The following KCTD8 variants were observed in gnomAD, a reference collection of about 807,000 sequenced individuals.
The protein encoded by KCTD8 is BTB/POZ domain-containing protein KCTD8.
Under a neutral mutation model 31.5 loss-of-function variants are expected in KCTD8, and 27 were observed. That is an observed-to-expected ratio of 0.86 (90% confidence interval 0.63 to 1.18). The LOEUF (loss-of-function observed/expected upper bound fraction) is 1.18, where lower values mean the gene tolerates loss of function less well. Among genes scored for constraint, KCTD8 ranks in the 50% most tolerant of loss-of-function variants. The probability of loss-of-function intolerance (pLI) is 0.00; values close to 1 mark genes in which losing one functional copy is unlikely to be tolerated. For synonymous variants in KCTD8, 290 were observed against 280.0 expected, an observed-to-expected ratio of 1.04 and a Z score of -0.36; for missense variants, 658 against 647.7, an observed-to-expected ratio of 1.02 and a Z score of -0.17.
At chr4:44,181,362 C>T (rs1041657852) in intron 1 of KCTD8, among the ~76,000 whole-genome samples, 1 of 152,328 alleles carries the variant, frequency 6.6e-6, no homozygotes, top group Admixed American at 6.5e-5. Context: ...TCTCCTGCCT[C>T]AGCCTGCCGA....
chr4:44,315,191 T>TC (rs1162027562), intron 1 of KCTD8, among the ~76,000 whole-genome samples: 1 of 152,046 alleles, frequency 6.6e-6, no homozygotes. Flanking sequence ...AATTGTAATT[T>TC]CTTTTTTTAA....
intron 1 of KCTD8, among the ~76,000 whole-genome samples, chr4:44,192,477 C>CACAT (rs1303420481): frequency 2.2e-4 from 16 of 71,210 alleles, no homozygotes; most frequent in African/African-American, 1.1e-3. Context: ...AGCAAAGATA[C>CACAT]ACACACACAC....
chr4:44,279,881 G>A (rs1716851724), intron 1 of KCTD8, among the ~76,000 whole-genome samples: 1 of 152,030 alleles, frequency 6.6e-6, no homozygotes, highest in African/African-American at 2.4e-5. Flanking sequence ...GATTCACTAA[G>A]ATGAAATGCA....
intron 1 of KCTD8, among the ~76,000 whole-genome samples, chr4:44,241,849 T>G (rs965005786): frequency 6.6e-6 from 1 of 152,196 alleles, no homozygotes; most frequent in Non-Finnish European, 1.5e-5. Context: ...GAAGATTGTT[T>G]CAGAGTTACT....
intron 1 of KCTD8, among the ~76,000 whole-genome samples, chr4:44,327,373 A>G (rs1210803191): frequency 3.3e-5 from 5 of 151,862 alleles, no homozygotes; most frequent in Admixed American, 6.6e-5. Flanking sequence ...CAGTCTTACT[A>G]TCTCTATTTC....
rs542039204 is a variant in KCTD8 at position 44,380,117 on chromosome 4, A to G, written c.961+67446T>C. 4.8e-4 allele frequency among the ~76,000 whole-genome samples: 73 copies of G among 152,112 alleles called. No homozygotes were observed. The Middle Eastern group carries it at 0.01, about 21-fold the overall frequency. ...ACACTTAATTATACAACTTATCTAT[A>G]ATTGTGAGCCTCAAGATTACCCCTA... On this transcript the variant is annotated intron_variant, in intron 1 of 1. Transcript: ENST00000360029.
chr4:44,182,245 AG>A (rs1713444140), intron 1 of KCTD8, among the ~76,000 whole-genome samples: 1 of 149,446 alleles, frequency 6.7e-6, no homozygotes, highest in Non-Finnish European at 1.5e-5. Context: ...CCTTCTGGGA[AG>A]TGAGGAGCCC....
chr4:44,396,423 T>C (rs1720505602), intron 1 of KCTD8, among the ~76,000 whole-genome samples: 2 of 151,936 alleles, frequency 1.3e-5, no homozygotes, highest in African/African-American at 4.8e-5. Flanking sequence ...CACTATAGAG[T>C]GTTTGCTCCA....
intron 1 of KCTD8, among the ~76,000 whole-genome samples, chr4:44,337,679 ATAT>A (rs567514856): frequency 7.1e-6 from 1 of 140,108 alleles, no homozygotes; most frequent in Non-Finnish European, 1.5e-5. Flanking sequence ...ATCTCAAAAA[ATAT>A]ATATATATAT....
chr4:44,216,285 A>G (rs2109345843), intron 1 of KCTD8, among the ~76,000 whole-genome samples: 1 of 152,260 alleles, frequency 6.6e-6, no homozygotes. Flanking sequence ...ACCTTTTACC[A>G]CTTTATACAG....
intron 1 of KCTD8, among the ~76,000 whole-genome samples, chr4:44,249,338 A>C (rs1204879692): frequency 6.6e-6 from 1 of 151,880 alleles, no homozygotes. Flanking sequence ...TCACTCAAAA[A>C]ATCAATTTCC....
chr4:44,434,822 A>T (rs894793725), intron 1 of KCTD8, among the ~76,000 whole-genome samples: 3 of 152,014 alleles, frequency 2.0e-5, no homozygotes, highest in Admixed American at 2.0e-4. Context: ...CCTTAACTCG[A>T]CTGGCCAGAA....
At position 44,385,282 on chromosome 4, in the gene KCTD8, C is replaced by T. The variant is rs528043828; in HGVS notation, c.961+62281G>A. Reference sequence around the variant, plus strand: ...TAACCAAAATAAATTTTAGGTCTCACATTTCCCAACTTCAAAACCTATTAC... The same window carrying T: ...TAACCAAAATAAATTTTAGGTCTCATATTTCCCAACTTCAAAACCTATTAC... On this transcript the variant is annotated intron_variant, in intron 1 of 1. Coordinates refer to ENST00000360029, the MANE Select transcript of KCTD8 (RefSeq NM_198353.3). Among the ~76,000 whole-genome samples the T allele has an allele frequency of 8.9e-4, 135 of 151,664 alleles. 1 individual carries two copies. The highest frequency in any genetic ancestry group is 3.1e-3 in the African/African-American group (130 of 41,478).
intron 1 of KCTD8, among the ~76,000 whole-genome samples, chr4:44,195,167 T>G (rs1351112953): frequency 6.6e-6 from 1 of 150,938 alleles, no homozygotes; most frequent in East Asian, 2.0e-4. Flanking sequence ...TATGAGCCAC[T>G]GTGCCTACCT....
At chr4:44,210,747 T>G (rs1437288411) in intron 1 of KCTD8, among the ~76,000 whole-genome samples, 2 of 152,134 alleles carry the variant, frequency 1.3e-5, no homozygotes, top group East Asian at 3.9e-4. Flanking sequence ...GGGCACCACT[T>G]TCCTCTTTTA....
intron 1 of KCTD8, among the ~76,000 whole-genome samples, chr4:44,307,594 T>C (rs1717839447): frequency 6.6e-6 from 1 of 152,026 alleles, no homozygotes. Flanking sequence ...TGTGAGCTTT[T>C]ATTTCTTTTT....
chr4:44,207,263 G>A (rs1433832860), intron 1 of KCTD8, among the ~76,000 whole-genome samples: 1 of 152,190 alleles, frequency 6.6e-6, no homozygotes, highest in African/African-American at 2.4e-5. Context: ...AAATGGTGAA[G>A]TTATATGAAT....
chr4:44,303,649 C>G (rs970669841), intron 1 of KCTD8, among the ~76,000 whole-genome samples: 30 of 151,926 alleles, frequency 2.0e-4, no homozygotes, highest in African/African-American at 6.5e-4. Context: ...AATCCCATCT[C>G]TACAAAAAAT....
Position 44,269,297 on chromosome 4 carries a change from T to C in KCTD8, c.962-94047A>G, listed in dbSNP as rs1205488353. 1.6e-4 allele frequency among the ~76,000 whole-genome samples: 24 copies of C among 151,722 alleles called. No homozygotes were observed. In the East Asian group the frequency reaches 3.5e-3, roughly 22 times the overall value. Reference sequence around the variant, plus strand: ...AAAAACAAGCAATGGGGAAAGGATTTCCTATTTAATAAATGGTGCTGGGAA... The same window carrying C: ...AAAAACAAGCAATGGGGAAAGGATTCCCTATTTAATAAATGGTGCTGGGAA... On this transcript the variant is annotated intron_variant, in intron 1 of 1. Coordinates refer to ENST00000360029, the MANE Select transcript of KCTD8 (RefSeq NM_198353.3).
Sources: allele counts gnomAD v4.1 joint callset (sites outside exome capture counted in the v4.1 genomes callset), GRCh38; gene constraint gnomAD v4.1.1; transcripts MANE v1.5; gene names NCBI Gene and HGNC (gene_info 2026-07-23, HGNC 2026-07-21).